SSBP3: variants seen among roughly 807,000 people sequenced by gnomAD.
SSBP3 encodes the protein single-stranded DNA-binding protein 3.
SSBP3 carries 5 observed loss-of-function variants against 69.6 expected under a neutral mutation model. That is an observed-to-expected ratio of 0.07 (90% CI 0.04 to 0.15). SSBP3 has a LOEUF of 0.15. SSBP3 is among the 10% of genes least tolerant of loss of function. SSBP3 has a pLI of 1.00. For synonymous variants in SSBP3, 196 were observed against 193.4 expected (o/e 1.01, Z -0.11); for missense variants, 312 against 534.0 (o/e 0.58, Z 4.10).
At chr1:54,316,369 G>GT (rs1239834676) in intron 4 of SSBP3, among the ~76,000 whole-genome samples, 1 of 148,350 alleles carries the variant, frequency 6.7e-6, no homozygotes, top group Non-Finnish European at 1.5e-5. Flanking sequence ...GCCGGGCGCG[G>GT]TGGCTCACGC....
chr1:54,346,230 CAGG>C (rs1178745516), intron 4 of SSBP3, among the ~76,000 whole-genome samples: 1 of 150,800 alleles, frequency 6.6e-6, no homozygotes, highest in East Asian at 2.0e-4. Context: ...GAGGCTAAGG[CAGG>C]AGAATTGCTT....
chr1:54,320,296 G>T (rs746860731), intron 4 of SSBP3, among the ~76,000 whole-genome samples: 5 of 152,178 alleles, frequency 3.3e-5, no homozygotes, highest in Non-Finnish European at 7.4e-5. Flanking sequence ...CCAAAGACAG[G>T]CAAAGGCAGA....
chr1:54,404,016 T>TGGGGGAG (rs1649500223), intron 3 of SSBP3, among the ~76,000 whole-genome samples: 1 of 83,480 alleles, frequency 1.2e-5, no homozygotes, highest in African/African-American at 4.7e-5. Context: ...GTGGTTTTAG[T>TGGGGGAG]GGGGGAGGGG....
At chr1:54,270,878 A>C (rs977705770) in intron 5 of SSBP3, among the ~76,000 whole-genome samples, 12 of 152,204 alleles carry the variant, frequency 7.9e-5, no homozygotes, top group Non-Finnish European at 1.8e-4. Flanking sequence ...TTCTCGAGGA[A>C]ACCCATGTGC....
At chr1:54,259,504 G>C (rs1457039386) in intron 5 of SSBP3, among the ~76,000 whole-genome samples, 1 of 152,206 alleles carries the variant, frequency 6.6e-6, no homozygotes, top group Non-Finnish European at 1.5e-5. Context: ...GAGGAGACAG[G>C]CCTCCATTCG....
intron 9 of SSBP3, among the ~76,000 whole-genome samples, chr1:54,245,311 G>T (rs998139055): frequency 6.6e-6 from 1 of 152,192 alleles, no homozygotes; most frequent in African/African-American, 2.4e-5. Context: ...GTCTGAGGGA[G>T]AAAGTTTTGC....
chr1:54,366,345 C>T (rs1647029931), intron 4 of SSBP3, among the ~76,000 whole-genome samples: 1 of 152,130 alleles, frequency 6.6e-6, no homozygotes, highest in Non-Finnish European at 1.5e-5. Flanking sequence ...ATATACTGGG[C>T]CATTACATAG....
intron 5 of SSBP3, among the ~76,000 whole-genome samples, chr1:54,279,601 C>T (rs1468673292): frequency 6.6e-6 from 1 of 152,236 alleles, no homozygotes; most frequent in Admixed American, 6.5e-5. Context: ...CATGGTACCT[C>T]GGTGGGTCCA....
At chr1:54,379,189 C>G (rs574017644) in intron 4 of SSBP3, among the ~76,000 whole-genome samples, 2 of 152,360 alleles carry the variant, frequency 1.3e-5, no homozygotes, top group East Asian at 3.9e-4. Flanking sequence ...ACACTTGCTA[C>G]GCAGGAGCGA....
At chr1:54,238,838 T>G (rs1570219013) in intron 14 of SSBP3, 2 of 404,986 alleles carry the variant, frequency 4.9e-6, no homozygotes, top group South Asian at 4.4e-5. Context: ...ACCTACAGCA[T>G]GGCGCTTCCC....
chr1:54,337,485 C>CATTTTTTTTTTTTT (rs1646528982), intron 4 of SSBP3, among the ~76,000 whole-genome samples: 1 of 51,134 alleles, frequency 2.0e-5, no homozygotes, highest in African/African-American at 9.8e-5. Context: ...TTTCCTCAAG[C>CATTTTTTTTTTTTT]TTTTTTTTTT....
At chr1:54,287,684 C>T (rs1645516023) in intron 4 of SSBP3, among the ~76,000 whole-genome samples, 1 of 152,012 alleles carries the variant, frequency 6.6e-6, no homozygotes, top group Admixed American at 6.6e-5. Context: ...GAGGGAATTT[C>T]AGCAGCAACA....
intron 4 of SSBP3, among the ~76,000 whole-genome samples, chr1:54,303,329 G>GCTGCCCTTGTT: frequency 6.6e-6 from 1 of 152,216 alleles, no homozygotes; most frequent in East Asian, 1.9e-4. Flanking sequence ...CTGATGCCTC[G>GCTGCCCTTGTT]CTGCCCTTGT....
At chr1:54,398,851 C>T (rs187415586) in intron 4 of SSBP3, among the ~76,000 whole-genome samples, 106 of 152,240 alleles carry the variant, frequency 7.0e-4, no homozygotes, top group South Asian at 6.0e-3. Context: ...TCCTACCCAC[C>T]GAAGATGGGT....
intron 4 of SSBP3, among the ~76,000 whole-genome samples, chr1:54,379,592 A>T (rs1025293292): frequency 1.3e-5 from 2 of 152,222 alleles, no homozygotes; most frequent in Non-Finnish European, 2.9e-5. Context: ...CAAATCTGAC[A>T]TCCACGCCCA....
intron 4 of SSBP3, among the ~76,000 whole-genome samples, chr1:54,289,732 C>T (rs1645570195): frequency 6.6e-6 from 1 of 152,070 alleles, no homozygotes; most frequent in Admixed American, 6.5e-5. Context: ...TTAACCCTCC[C>T]TGGGCACAGG....
intron 4 of SSBP3, chr1:54,285,405 G>A (rs1156339740): frequency 2.6e-5 from 4 of 152,172 alleles, no homozygotes; most frequent in Admixed American, 6.6e-5. Context: ...AACGGCAGCA[G>A]GGGCTGTTTC....
At chr1:54,265,280 T>A (rs1250030975) in intron 5 of SSBP3, among the ~76,000 whole-genome samples, 1 of 152,158 alleles carries the variant, frequency 6.6e-6, no homozygotes, top group Non-Finnish European at 1.5e-5. Flanking sequence ...GAACTTGGCA[T>A]GGCTTGGAGA....
chr1:54,250,195 C>T (rs1245786691), intron 9 of SSBP3, among the ~76,000 whole-genome samples: 1 of 152,210 alleles, frequency 6.6e-6, no homozygotes, highest in African/African-American at 2.4e-5. Flanking sequence ...CTAGCAGAAA[C>T]GCGAACTTTG....
Sources: gnomAD v4.1 joint callset for allele counts (sites outside exome capture counted in the v4.1 genomes callset) on GRCh38, gnomAD v4.1.1 for gene constraint, MANE v1.5 for transcripts, NCBI Gene and HGNC (gene_info 2026-07-23, HGNC 2026-07-21) for gene names.